The following PAK4 variants were observed in gnomAD, a reference collection of about 807,000 sequenced individuals.
PAK4 encodes serine/threonine-protein kinase PAK 4.
A neutral mutation model predicts 53.5 loss-of-function variants in PAK4; 49 were observed. The ratio of observed to expected loss-of-function variants is 0.92; its 90% CI spans 0.73 to 1.16. The LOEUF is 1.16. Ranked by LOEUF, PAK4 falls within the 50% of genes most tolerant of loss-of-function variation. The pLI is 0.00. For synonymous variants in PAK4, 376 were observed against 375.6 expected, an observed-to-expected ratio of 1.00 and a Z score of -0.01; for missense variants, 824 against 850.7, an observed-to-expected ratio of 0.97 and a Z score of 0.39.
At chr19:39,147,795 T>TCTTCATG in intron 1 of PAK4, among the ~76,000 whole-genome samples, 1 of 151,298 alleles carries the variant, frequency 6.6e-6, no homozygotes, top group East Asian at 1.9e-4. Flanking sequence ...GTCAAAGGTC[T>TCTTCATG]CTTCATGTCT....
chr19:39,172,999 C>A, exon 3 of PAK4: 1 of 1,549,990 alleles, frequency 6.5e-7, no homozygotes, highest in Middle Eastern at 2.0e-4. Context: ...GTCGGTGACA[C>A]GCTCCAACTC....
intron 1 of PAK4, among the ~76,000 whole-genome samples, chr19:39,135,900 C>G (rs1428744566): frequency 6.9e-6 from 1 of 145,172 alleles, no homozygotes; most frequent in Non-Finnish European, 1.5e-5. Context: ...TCCTCTCTTG[C>G]CCCCCCGCCA....
chr19:39,172,102 C>T (rs1216790317), intron 2 of PAK4, among the ~76,000 whole-genome samples: 2 of 152,156 alleles, frequency 1.3e-5, no homozygotes, highest in African/African-American at 4.8e-5. Flanking sequence ...CCAGCAGAAG[C>T]CTCACTGAGA....
intron 2 of PAK4, among the ~76,000 whole-genome samples, chr19:39,170,424 T>C (rs1330456167): frequency 6.6e-6 from 1 of 152,156 alleles, no homozygotes; most frequent in Non-Finnish European, 1.5e-5. Flanking sequence ...CAATGTCTGT[T>C]TCCAAGGCCC....
At position 39,161,081 on chromosome 19, in the gene PAK4, A is replaced by C. The variant is rs930445740; in HGVS notation, c.-22-8451A>C. Among the ~76,000 whole-genome samples, 4 of 152,172 alleles carry C rather than the reference A, an allele frequency of 2.6e-5. No homozygotes were observed. Among genetic ancestry groups the C allele is most frequent in the Non-Finnish European group, 5.9e-5 (4 of 68,020 alleles). On this transcript the variant is annotated intron_variant, in intron 1 of 8. Transcript: ENST00000358301. This position sits in a 1 kb window ranked among gnomAD's most constrained non-coding sequence, Gnocchi z 4.5. Reference sequence around the variant, plus strand: ...CAGGAAGGAAGAGGACTCCCCACCCAGCACCCAGCACTGTTTAGAGGGCTC... The same window carrying C: ...CAGGAAGGAAGAGGACTCCCCACCCCGCACCCAGCACTGTTTAGAGGGCTC...
chr19:39,126,613 C>T (rs1202481543), intron 1 of PAK4, among the ~76,000 whole-genome samples: 1 of 152,122 alleles, frequency 6.6e-6, no homozygotes, highest in East Asian at 1.9e-4. Flanking sequence ...CTTAGGGGGT[C>T]TTAACCTGGT....
At chr19:39,142,082 T>C (rs1026575395) in intron 1 of PAK4, among the ~76,000 whole-genome samples, 1 of 152,136 alleles carries the variant, frequency 6.6e-6, no homozygotes, top group Non-Finnish European at 1.5e-5. Flanking sequence ...GCTCAAGCAA[T>C]CCTCCCGCCT....
At chr19:39,137,983 GTT>G (rs74559237) in intron 1 of PAK4, among the ~76,000 whole-genome samples, 16 of 128,616 alleles carry the variant, frequency 1.2e-4, no homozygotes, top group Admixed American at 2.4e-4. Flanking sequence ...CATTCCTGAG[GTT>G]TTTTTTTTTT....
intron 1 of PAK4, among the ~76,000 whole-genome samples, chr19:39,126,263 C>T (rs541072027): frequency 1.3e-5 from 2 of 152,028 alleles, no homozygotes; most frequent in East Asian, 3.9e-4. Context: ...CCCAGGGGCG[C>T]CAGGTTGGAG....
intron 2 of PAK4, among the ~76,000 whole-genome samples, chr19:39,170,510 T>A (rs920718665): frequency 6.6e-6 from 1 of 152,164 alleles, no homozygotes; most frequent in African/African-American, 2.4e-5. Flanking sequence ...TGGCCTGGCA[T>A]GAGGCTGGCC....
chr19:39,162,251 G>T (rs2074296633), intron 1 of PAK4, among the ~76,000 whole-genome samples: 1 of 152,042 alleles, frequency 6.6e-6, no homozygotes, highest in Non-Finnish European at 1.5e-5. Flanking sequence ...ATAAGCCACT[G>T]CACCCAGCCT....
intron 1 of PAK4, among the ~76,000 whole-genome samples, chr19:39,162,214 G>A (rs2074295937): frequency 6.6e-6 from 1 of 152,016 alleles, no homozygotes; most frequent in African/African-American, 2.4e-5. Flanking sequence ...GCCTGCCTTG[G>A]CCTCCAAAAG....
At chr19:39,159,409 A>G (rs1164459066) in intron 1 of PAK4, among the ~76,000 whole-genome samples, 1 of 152,114 alleles carries the variant, frequency 6.6e-6, no homozygotes, top group Non-Finnish European at 1.5e-5. Context: ...TTTTTCAGAC[A>G]GAGTCTCACT....
intron 1 of PAK4, among the ~76,000 whole-genome samples, chr19:39,138,592 C>T (rs756365165): frequency 1.2e-4 from 19 of 152,204 alleles, no homozygotes; most frequent in Non-Finnish European, 2.6e-4. Context: ...GTGCCCTCCA[C>T]TCCCACAAGA....
chr19:39,173,098 C>G lies in PAK4; in HGVS notation c.385C>G (p.Pro129Ala), dbSNP rs750102445. The change falls in exon 3 of 9, where the codon CCA becomes GCA. Residue 129 changes from proline (P) to alanine (A), a missense_variant. By Grantham distance (27) the Pro-to-Ala change is conservative (BLOSUM62 -1). Around this residue, in one of 2 missense-constraint regions of PAK4, gnomAD observed 478 missense variants for 435.8 expected, o/e 1.10. Transcript: ENST00000358301. The surrounding 1 kb of genome is among the most constrained non-coding windows in gnomAD (Gnocchi z 6.9). ...GCCGGCCACCACGGCCAGAGGGGGC[C>G]CAGGGAAGGCAGGCAGCCGAGGCCG... is the stretch of plus-strand genomic sequence containing the variant. 2.6e-6 allele frequency: 4 copies of G among 1,548,076 alleles called. No homozygotes were observed. The highest frequency in any genetic ancestry group is 3.5e-6 in the Non-Finnish European group (4 of 1,146,206).
intron 2 of PAK4, among the ~76,000 whole-genome samples, chr19:39,171,283 C>T (rs1005322033): frequency 4.0e-5 from 6 of 151,502 alleles, no homozygotes; most frequent in Non-Finnish European, 7.4e-5. Context: ...CACCTCGGCT[C>T]ATGCAACCTT....
At chr19:39,144,174 A>ATTAGAT (rs1568503741) in intron 1 of PAK4, among the ~76,000 whole-genome samples, 7 of 70,364 alleles carry the variant, frequency 9.9e-5, no homozygotes, top group Admixed American at 1.7e-4. Context: ...GATTAGATAG[A>ATTAGAT]TAGATAGATA....
intron 1 of PAK4, among the ~76,000 whole-genome samples, chr19:39,151,229 C>T (rs11672886): frequency 0.3 from 46,276 of 152,126 alleles, 7,512 homozygotes; most frequent in Middle Eastern, 0.39. Context: ...AGACACTTAG[C>T]GGAAGAGGAC....
chr19:39,167,255 C>T (rs527277431), intron 1 of PAK4, among the ~76,000 whole-genome samples: 40 of 152,316 alleles, frequency 2.6e-4, no homozygotes, highest in Admixed American at 1.7e-3. Flanking sequence ...GACAGGTTCA[C>T]GATGAAGAGG....
Sources: allele counts gnomAD v4.1 joint callset (sites outside exome capture counted in the v4.1 genomes callset), GRCh38; gene constraint gnomAD v4.1.1; regional missense constraint gnomAD v4.1.1; non-coding constraint Gnocchi (gnomAD v3.1); transcripts MANE v1.5; gene names NCBI Gene and HGNC (gene_info 2026-07-23, HGNC 2026-07-21).